Variants in CAMTA2 observed in about 807,000 individuals in gnomAD.
CAMTA2 encodes the protein calmodulin binding transcription activator 2.
Under a neutral mutation model 135.7 loss-of-function variants are expected in CAMTA2, and 56 were observed. The ratio of observed to expected loss-of-function variants is 0.41; its 90% CI spans 0.33 to 0.52. The LOEUF (loss-of-function observed/expected upper bound fraction) is 0.52, where lower values mean the gene tolerates loss of function less well. CAMTA2 is among the 20% of genes least tolerant of loss of function. The pLI, the probability that CAMTA2 is intolerant of heterozygous loss-of-function variation, is 0.16. For missense variants in CAMTA2, 1,358 were observed against 1,553.4 expected (o/e 0.87, Z 2.11); for synonymous variants, 591 against 604.6 (o/e 0.98, Z 0.33).
In CAMTA2 at chr17:4,972,813, T is replaced by C; in HGVS notation, c.2459A>G (p.Glu820Gly). The C allele has an allele frequency of 6.2e-7, 1 of 1,613,762 alleles. No individual in the cohort carries two copies. The highest frequency in any genetic ancestry group is 8.5e-7 in the Non-Finnish European group (1 of 1,179,996). Residue 820 changes from glutamate (E) to glycine (G), a missense_variant, in exon 15 of 23, where the codon GAG (glutamate) becomes GGG (glycine). By Grantham distance (98) the Glu-to-Gly change is moderately conservative. This residue lies in a region of CAMTA2 where 1,077 missense variants were observed against 1,127.5 expected (regional missense o/e 0.96). Coordinates refer to ENST00000348066, the MANE Select transcript of CAMTA2 (RefSeq NM_015099.4). ...EELQRQEPSVEPPFALSPPSS... is the reference protein window; with the variant it reads ...EELQRQEPSVGPPFALSPPSS... ...GGGTGGCGATAGGGCAAATGGGGGC[T>C]CCACCGAAGGCTCCTGTCTCTGTAG...
chr17:4,969,114 A>T lies in CAMTA2; in HGVS notation c.3470+36T>A. On this transcript the variant is annotated intron_variant, in intron 21 of 22. Transcript: ENST00000348066. The surrounding 1 kb of genome is among the most constrained non-coding windows in gnomAD (Gnocchi z 5.6). ...GAGTAAGGGGGAATGGCGTGGATGCAGTGGGTGGGCACAGAGGGCTGGGGC... is the reference window on the plus strand; with the variant it reads ...GAGTAAGGGGGAATGGCGTGGATGCTGTGGGTGGGCACAGAGGGCTGGGGC... The T allele has an allele frequency of 6.3e-7, 1 of 1,590,306 alleles. No homozygotes were observed. The highest frequency in any genetic ancestry group is 8.6e-7 in the Non-Finnish European group (1 of 1,167,612).
intron 15 of CAMTA2, 36 bp from the exon 16 acceptor site, chr17:4,972,572 G>A (rs1301854159): frequency 6.3e-7 from 1 of 1,584,184 alleles, no homozygotes; most frequent in Admixed American, 1.8e-5. Flanking sequence ...GGCAGCCGGA[G>A]CCACGGCCAT....
chr17:4,969,764 C>T lies in CAMTA2; in HGVS notation c.3190-63G>A. The T allele has an allele frequency of 6.2e-7, 1 of 1,606,050 alleles. No homozygotes were observed. Reference sequence around the variant, plus strand: ...TAATGGCATATCTGACTTGTCCCTTCAACTTTCCTGGGGTTCCCCTGACCC... The same window carrying T: ...TAATGGCATATCTGACTTGTCCCTTTAACTTTCCTGGGGTTCCCCTGACCC... On this transcript the variant is annotated intron_variant, in intron 18 of 22. Transcript: ENST00000348066. This position sits in a 1 kb window ranked among gnomAD's most constrained non-coding sequence, Gnocchi z 5.6.
intron 1 of CAMTA2, chr17:4,986,674 C>G: frequency 1.9e-6 from 1 of 537,316 alleles, no homozygotes; most frequent in Non-Finnish European, 3.3e-6. Context: ...GAGCCTGGAT[C>G]CTGGGGGCAG....
At chr17:4,985,027 C>T (rs7405492) in intron 3 of CAMTA2, among the ~76,000 whole-genome samples, 1 of 145,258 alleles carries the variant, frequency 6.9e-6, no homozygotes, top group South Asian at 2.2e-4. Flanking sequence ...AAAAAAAAAA[C>T]AAACAAAAAT....
intron 5 of CAMTA2, 191 bp from the exon 6 acceptor site, chr17:4,982,351 G>C (rs905310363): frequency 3.3e-6 from 2 of 605,312 alleles, no homozygotes; most frequent in East Asian, 5.5e-5. Flanking sequence ...AGTGGGGCTG[G>C]GGCCTTATAG....
At chr17:4,977,976 GGTCA>G (rs1284410529) in intron 10 of CAMTA2, among the ~76,000 whole-genome samples, 1 of 152,172 alleles carries the variant, frequency 6.6e-6, no homozygotes, top group Non-Finnish European at 1.5e-5. Context: ...CTTGAAACAT[GGTCA>G]GTGAGACTGG....
At position 4,978,535 on chromosome 17, in the gene CAMTA2, G is replaced by A. The variant is rs183600014; in HGVS notation, c.1734C>T (p.Val578=). The part of the protein sequence containing the change: ...FDHIAVPASL[V]QPGVLRCYCP... ...AGTAGCAGCGTAAGACACCAGGCTGGACAAGTGAGGCTGGCACTGCGATGT... is the reference window on the plus strand; with the variant it reads ...AGTAGCAGCGTAAGACACCAGGCTGAACAAGTGAGGCTGGCACTGCGATGT... The change falls in exon 10 of 23, where the codon GTC becomes GTT. Residue 578 remains valine, a synonymous_variant. Transcript: ENST00000348066. 313 of 1,614,126 alleles carry A rather than the reference G, an allele frequency of 1.9e-4. 5 individuals carry two copies. The East Asian group carries it at 5.7e-3, about 30-fold the overall frequency.
At chr17:4,972,680 C>A in intron 15 of CAMTA2, 89 bp downstream of exon 15, 1 of 1,450,748 alleles carries the variant, frequency 6.9e-7, no homozygotes, top group Non-Finnish European at 9.7e-7. Context: ...TTTGTCTCCT[C>A]TCTTACTCGT....
At chr17:4,977,027 G>C in intron 11 of CAMTA2, 31 bp downstream of exon 11, 6 of 1,612,552 alleles carry the variant, frequency 3.7e-6, no homozygotes, top group Non-Finnish European at 4.2e-6. Context: ...CTGTGGGCTG[G>C]ATACTTGGGT....
In CAMTA2 at chr17:4,970,437, G is replaced by A. The variant is rs1020610514; in HGVS notation, c.2908C>T (p.Arg970Trp). The A allele has an allele frequency of 1.9e-6, 3 of 1,614,086 alleles. No homozygotes were observed. The highest frequency in any genetic ancestry group is 2.5e-6 in the Non-Finnish European group (3 of 1,179,988). Residue 970 changes from arginine (R) to tryptophan (W), a missense_variant, in exon 17 of 23, where the codon CGG becomes TGG. This residue lies in a region of CAMTA2 where 1,077 missense variants were observed against 1,127.5 expected (regional missense o/e 0.96). Transcript: ENST00000348066. ...VGLPEAGASM[R>W]ERTGAVGLSE... Reference sequence around the variant, plus strand: ...AGCCCCACAGCCCCTGTCCGCTCCCGCATTGAGGCTCCAGCCTCGGGCAGC... The same window carrying A: ...AGCCCCACAGCCCCTGTCCGCTCCCACATTGAGGCTCCAGCCTCGGGCAGC...
In CAMTA2 at chr17:4,969,908, C is replaced by CTT; in HGVS notation, c.3181_3182dup (p.Tyr1062SerfsTer7). The CTT allele has an allele frequency of 6.2e-7, 1 of 1,614,096 alleles. No individual in the cohort carries two copies. The highest frequency in any genetic ancestry group is 8.5e-7 in the Non-Finnish European group (1 of 1,179,942). ...TGAGACCCCTGCCCCTGACCTTGTACTTTCGGAAGGCCGTCTGGATGACTC... is the reference window on the plus strand; with the variant it reads ...TGAGACCCCTGCCCCTGACCTTGTACTTTTTCGGAAGGCCGTCTGGATGACTC... On this transcript the variant is annotated frameshift_variant, in exon 18 of 23. Coordinates refer to ENST00000348066, the MANE Select transcript of CAMTA2 (RefSeq NM_015099.4). LOFTEE classifies it high-confidence loss of function. This position sits in a 1 kb window ranked among gnomAD's most constrained non-coding sequence, Gnocchi z 5.6.
chr17:4,968,831 A>G lies in CAMTA2; in HGVS notation c.3546-12T>C. 13 of 1,613,746 alleles carry G rather than the reference A, an allele frequency of 8.1e-6. No homozygotes were observed. Among genetic ancestry groups the G allele is most frequent in the Non-Finnish European group, 1.1e-5 (13 of 1,179,642 alleles). ...TCAGTTCCCTCATCCTGCAGAGAGA[A>G]AGATAGGAGTCAGAGGAGACTGGCG... On this transcript the variant is annotated splice_polypyrimidine_tract_variant and intron_variant, in intron 22 of 22. Transcript: ENST00000348066.
chr17:4,973,551 G>A, intron 13 of CAMTA2, 34 bp downstream of exon 13: 1 of 1,582,370 alleles, frequency 6.3e-7, no homozygotes, highest in Non-Finnish European at 8.6e-7. Context: ...TGTCCCAGAG[G>A]CTGCCCAGCC....
Position 4,969,547 on chromosome 17 carries a change from G to T in CAMTA2, c.3262-27C>A, listed in dbSNP as rs1461183276. 1 of 1,614,114 alleles carries T rather than the reference G, an allele frequency of 6.2e-7. No homozygotes were observed. The highest frequency in any genetic ancestry group is 8.5e-7 in the Non-Finnish European group (1 of 1,179,988). On this transcript the variant is annotated intron_variant, in intron 19 of 22. Transcript: ENST00000348066. The surrounding 1 kb of genome is among the most constrained non-coding windows in gnomAD (Gnocchi z 5.6). ...TTGTGGAGAGAGAAGGGGAGTTAGG[G>T]CTCTGGCAACATTCTGGAATGGTTA...
Position 4,969,643 on chromosome 17 carries a change from C to T in CAMTA2, c.3248G>A (p.Arg1083Gln), listed in dbSNP as rs1252243327. 1.1e-5 allele frequency: 18 copies of T among 1,614,136 alleles called. No homozygotes were observed. Among genetic ancestry groups the T allele is most frequent in the Non-Finnish European group, 1.4e-5 (16 of 1,180,030 alleles). Residue 1083 changes from arginine (R) to glutamine (Q), a missense_variant, in exon 19 of 23, where the codon CGG becomes CAG. This residue lies in a region of CAMTA2 where 167 missense variants were observed against 207.0 expected (regional missense o/e 0.81). Coordinates refer to ENST00000348066, the MANE Select transcript of CAMTA2 (RefSeq NM_015099.4). The surrounding 1 kb of genome is among the most constrained non-coding windows in gnomAD (Gnocchi z 5.6). Reference sequence around the variant, plus strand: ...GAAGGGTCTCACCTGCTTGTACTTCCGGTAACAGCGCTGGATTACAGCTGC... The same window carrying T: ...GAAGGGTCTCACCTGCTTGTACTTCTGGTAACAGCGCTGGATTACAGCTGC... ...VAAAVIQRCYRKYKQLTWIAL... is the reference protein window; with the variant it reads ...VAAAVIQRCYQKYKQLTWIAL...
rs764869219 is a variant in CAMTA2 at position 4,978,530 on chromosome 17, G to A, written c.1739C>T (p.Pro580Leu). Residue 580 changes from proline to leucine, a missense_variant, in exon 10 of 23, where the codon CCT becomes CTT. By Grantham distance (98) the Pro-to-Leu change is moderately conservative. Coordinates refer to ENST00000348066, the MANE Select transcript of CAMTA2 (RefSeq NM_015099.4). ...HIAVPASLVQ[P>L]GVLRCYCPAH... Reference sequence around the variant, plus strand: ...GGGACAGTAGCAGCGTAAGACACCAGGCTGGACAAGTGAGGCTGGCACTGC... The same window carrying A: ...GGGACAGTAGCAGCGTAAGACACCAAGCTGGACAAGTGAGGCTGGCACTGC... The A allele has an allele frequency of 3.1e-6, 5 of 1,614,142 alleles. No homozygotes were observed. The East Asian group carries it at 1.1e-4, about 36-fold the overall frequency.
chr17:4,970,668 G>T (rs17706762), intron 16 of CAMTA2, 132 bp from the exon 17 acceptor site: 71,241 of 722,868 alleles, frequency 0.099, 4,154 homozygotes, highest in Non-Finnish European at 0.12. Context: ...CACTGTTCCA[G>T]ACTCATTCAT....
rs149765180 is a variant in CAMTA2, at chr17:4,979,743, G to T, written c.1579C>A (p.Gln527Lys). Residue 527 changes from glutamine to lysine, a missense_variant, in exon 9 of 23, where the codon CAG becomes AAG. This residue lies in a region of CAMTA2 where 1,077 missense variants were observed against 1,127.5 expected (regional missense o/e 0.96). Transcript: ENST00000348066. The part of the protein sequence containing the change: ...EAPSIPAPTP[Q>K]LSPALSTITD... Reference sequence around the variant, plus strand: ...ATGGTGCTAAGAGCAGGAGACAGCTGGGGGGTCGGAGCAGGGATGCTTGGA... The same window carrying T: ...ATGGTGCTAAGAGCAGGAGACAGCTTGGGGGTCGGAGCAGGGATGCTTGGA... 1.9e-6 allele frequency: 3 copies of T among 1,613,902 alleles called. No homozygotes were observed. The highest frequency in any genetic ancestry group is 2.7e-5 in the African/African-American group (2 of 74,896).
Sources: allele counts gnomAD v4.1 joint callset (sites outside exome capture counted in the v4.1 genomes callset), GRCh38; gene constraint gnomAD v4.1.1; regional missense constraint gnomAD v4.1.1; non-coding constraint Gnocchi (gnomAD v3.1); transcripts MANE v1.5; gene names NCBI Gene and HGNC (gene_info 2026-07-23, HGNC 2026-07-21).